SAMD12: variants seen among roughly 807,000 people sequenced by gnomAD.
The protein encoded by SAMD12 is sterile alpha motif domain containing 12.
In SAMD12, 9 loss-of-function variants were observed where a neutral mutation model predicts 15.0. That is an observed-to-expected ratio of 0.60 (90% confidence interval 0.36 to 1.05). The LOEUF (loss-of-function observed/expected upper bound fraction) is 1.05, where lower values mean the gene tolerates loss of function less well. SAMD12 is among the 50% of genes least tolerant of loss of function. The pLI, the probability that SAMD12 is intolerant of heterozygous loss-of-function variation, is 0.01. For missense variants in SAMD12, 230 were observed against 234.2 expected (o/e 0.98, Z 0.12); for synonymous variants, 86 against 90.1 (o/e 0.96, Z 0.25).
At chr8:118,583,906 A>G (rs1361916167) in intron 1 of SAMD12, among the ~76,000 whole-genome samples, 1 of 152,156 alleles carries the variant, frequency 6.6e-6, no homozygotes, top group Non-Finnish European at 1.5e-5. Flanking sequence ...GGCAGGTACC[A>G]TCTGTTTTTC....
rs896830600 is a variant in SAMD12 at position 118,311,878 on chromosome 8, A to G, written c.433+67682T>C. 2.6e-5 allele frequency among the ~76,000 whole-genome samples: 4 copies of G among 152,134 alleles called. No individual in the cohort carries two copies. In the East Asian group the frequency reaches 7.7e-4, roughly 29 times the overall value. On this transcript the variant is annotated intron_variant, in intron 4 of 4. Transcript: ENST00000409003. ...AATTCCCTTAAACACCTCCAATCAT[A>G]TCTCCAACAGTGTCAATTATTGCTG...
chr8:118,513,473 C>T (rs1333628537), intron 2 of SAMD12, among the ~76,000 whole-genome samples: 1 of 152,172 alleles, frequency 6.6e-6, no homozygotes, highest in African/African-American at 2.4e-5. Flanking sequence ...GCCACCTACC[C>T]TCCCAAAGAA....
intron 2 of SAMD12, among the ~76,000 whole-genome samples, chr8:118,578,306 T>G (rs370559629): frequency 1.3e-5 from 2 of 152,218 alleles, no homozygotes; most frequent in African/African-American, 4.8e-5. Context: ...CTATTTTCAA[T>G]GTGTTCTCCT....
chr8:118,379,489 C>T lies in SAMD12; in HGVS notation c.534G>A (p.Gln178=), dbSNP rs763458964. Residue 178 remains glutamine (Q), a synonymous_variant, in exon 4 of 4, where the codon CAG becomes CAA. Coordinates refer to ENST00000314727, the MANE Select transcript of SAMD12 (RefSeq NM_207506.3). ...ATAACAAATTCTCCCTGACTCCTGT[C>T]TGTCCTAATAGTAAGGTGGTCTTTC... ...IRRKTTLLLG[Q]TGVRENLLLF... The T allele has an allele frequency of 1.2e-6, 2 of 1,613,878 alleles. No homozygotes were observed. The highest frequency in any genetic ancestry group is 2.2e-5 in the South Asian group (2 of 91,084).
downstream of SAMD12, among the ~76,000 whole-genome samples, chr8:118,377,323 C>T (rs11786823): frequency 0.051 from 7,823 of 151,984 alleles, 337 homozygotes; most frequent in Non-Finnish European, 0.072. Context: ...ACTTCAATCT[C>T]GGAGGTGGAG....
chr8:118,525,506 C>T (rs551649667), intron 2 of SAMD12, among the ~76,000 whole-genome samples: 65 of 152,268 alleles, frequency 4.3e-4, no homozygotes, highest in African/African-American at 1.5e-3. Flanking sequence ...CAGTGTCTGG[C>T]CCATCATAGA....
chr8:118,399,731 GA>G (rs1444005974), intron 3 of SAMD12, among the ~76,000 whole-genome samples: 1 of 152,144 alleles, frequency 6.6e-6, no homozygotes, highest in Non-Finnish European at 1.5e-5. Flanking sequence ...TCTGAAAGTA[GA>G]TTTCCTTCTC....
At chr8:118,448,682 A>T (rs745604198) in intron 2 of SAMD12, among the ~76,000 whole-genome samples, 61 of 152,216 alleles carry the variant, frequency 4.0e-4, no homozygotes, top group Non-Finnish European at 7.6e-4. Flanking sequence ...TATAATTCTT[A>T]GCAAGACAGC....
At chr8:118,203,570 T>A (rs1819773316) in intron 4 of SAMD12, among the ~76,000 whole-genome samples, 1 of 152,124 alleles carries the variant, frequency 6.6e-6, no homozygotes, top group African/African-American at 2.4e-5. Flanking sequence ...GTTTCTATTT[T>A]CTTTTCTTTT....
At chr8:118,137,011 A>C in the SAMD12 span, among the ~76,000 whole-genome samples, 11 of 152,346 alleles carry the variant, frequency 7.2e-5, no homozygotes, top group South Asian at 2.3e-3. Flanking sequence ...CAAAATGTAC[A>C]TCAAAGCAAG....
Position 118,368,788 on chromosome 8 carries a change from G to A in SAMD12, c.433+10772C>T, listed in dbSNP as rs75537344. ...AAAACATACAGAGGATCCACCTCTCGCTAGCACTATGCAAAGTAAAATTAG... is the reference window on the plus strand; with the variant it reads ...AAAACATACAGAGGATCCACCTCTCACTAGCACTATGCAAAGTAAAATTAG... On this transcript the variant is annotated intron_variant, in intron 4 of 4. Transcript: ENST00000409003. 8.4e-3 allele frequency among the ~76,000 whole-genome samples: 1,286 copies of A among 152,238 alleles called. 16 individuals are homozygous for A. The highest frequency in any genetic ancestry group is 0.029 in the African/African-American group (1,208 of 41,566).
rs112543211 is a variant in SAMD12, at chr8:118,294,904, ACT to A, written c.433+84654_433+84655del. 3.4e-3 allele frequency among the ~76,000 whole-genome samples: 516 copies of A among 152,202 alleles called. 3 individuals carry two copies. Among genetic ancestry groups the A allele is most frequent in the African/African-American group, 0.012 (492 of 41,522 alleles). ...GTTAAGGAAGACTGGGATGTATTTT[ACT>A]CTGTGTGTACTGTCAACAGAATTGT... On this transcript the variant is annotated intron_variant, in intron 4 of 4. Transcript: ENST00000409003.
At chr8:118,252,981 G>A (rs1285028326) in intron 4 of SAMD12, among the ~76,000 whole-genome samples, 2 of 152,178 alleles carry the variant, frequency 1.3e-5, no homozygotes. Flanking sequence ...GAGAAGTGGT[G>A]AGGGAGCCCA....
chr8:118,344,712 C>T (rs1476937298), intron 4 of SAMD12, among the ~76,000 whole-genome samples: 1 of 152,144 alleles, frequency 6.6e-6, no homozygotes, highest in Non-Finnish European at 1.5e-5. Flanking sequence ...AGGGCAGGGA[C>T]TTGTTTTATT....
chr8:118,180,963 A>C, the SAMD12 span, among the ~76,000 whole-genome samples: 1 of 152,194 alleles, frequency 6.6e-6, no homozygotes, highest in Non-Finnish European at 1.5e-5. Context: ...AGAGTCCCCT[A>C]CAACCTTACC....
rs113855115 is a variant in SAMD12, at chr8:118,333,893, ATG to A, written c.433+45665_433+45666del. Among the ~76,000 whole-genome samples the A allele has an allele frequency of 1.1e-3, 94 of 87,012 alleles. No homozygotes were observed. The Middle Eastern group carries it at 0.039, about 36-fold the overall frequency. The allele number at this position is 87,012 out of a possible 152,430, so 57.1% of individuals were successfully genotyped here. On this transcript the variant is annotated intron_variant, in intron 4 of 4. Coordinates refer to the SAMD12 transcript ENST00000409003. ...GTGTGTGTGTGCGTTGGTGGGGGAT[ATG>A]TGTGTGTGTGTGTGCACGTTGGCAG...
intron 2 of SAMD12, among the ~76,000 whole-genome samples, chr8:118,511,225 T>G (rs80234718): frequency 0.024 from 3,593 of 152,284 alleles, 116 homozygotes; most frequent in African/African-American, 0.076. Flanking sequence ...TCCCTGGAAA[T>G]CACTCAGAAT....
intron 2 of SAMD12, among the ~76,000 whole-genome samples, chr8:118,563,665 A>C (rs1826770767): frequency 6.6e-6 from 1 of 152,234 alleles, no homozygotes; most frequent in African/African-American, 2.4e-5. Context: ...AGAAGGAAAA[A>C]TTCCAATTTC....
intron 3 of SAMD12, among the ~76,000 whole-genome samples, chr8:118,392,252 C>A (rs1483093566): frequency 6.6e-6 from 1 of 152,098 alleles, no homozygotes; most frequent in Admixed American, 6.5e-5. Flanking sequence ...CGTGGTGAAA[C>A]CTGTCTCTAC....
Sources: gnomAD v4.1 joint callset for allele counts (sites outside exome capture counted in the v4.1 genomes callset) on GRCh38, gnomAD v4.1.1 for gene constraint, MANE v1.5 for transcripts, NCBI Gene and HGNC (gene_info 2026-07-23, HGNC 2026-07-21) for gene names.